CUL9: variants seen among roughly 807,000 people sequenced by gnomAD.
CUL9 encodes the protein cullin 9.
Under a neutral mutation model 272.6 loss-of-function variants are expected in CUL9, and 79 were observed. That is an observed-to-expected ratio of 0.29 (90% CI 0.24 to 0.35). The LOEUF is 0.35. Ranked by LOEUF, CUL9 falls within the 10% of genes least tolerant of loss-of-function variation. The pLI is 1.00. For missense variants in CUL9, 2,532 were observed against 3,255.6 expected (o/e 0.78, Z 5.41); for synonymous variants, 1,186 against 1,286.5 (o/e 0.92, Z 1.67).
chr6:43,183,860 C>A (rs929457292), intron 1 of CUL9, among the ~76,000 whole-genome samples: 2 of 152,142 alleles, frequency 1.3e-5, no homozygotes, highest in East Asian at 3.9e-4. Context: ...TCAAGTGATT[C>A]TCCTGCCTCA....
chr6:43,183,257 C>T (rs542461974), intron 1 of CUL9, among the ~76,000 whole-genome samples: 9 of 152,218 alleles, frequency 5.9e-5, no homozygotes, highest in Non-Finnish European at 1.3e-4. Flanking sequence ...TTACTTAAAT[C>T]CTTACCATAC....
In CUL9 at chr6:43,199,786, G is replaced by A; in HGVS notation, c.3157-143G>A. 1.5e-6 allele frequency: 1 copy of A among 683,972 alleles called. No individual in the cohort carries two copies. The highest frequency in any genetic ancestry group is 1.8e-5 in the South Asian group (1 of 57,020). The allele number at this position is 683,972 out of a possible 1,614,324, so 42.4% of individuals were successfully genotyped here. A position where few individuals can be genotyped will look rare whatever the true frequency, so the allele number is the denominator to read the frequency against. ...GCACTCCTCTATTTTACTCCACCCT[G>A]AATTTGGTACTCTTGTTTCCCTGGG... is the stretch of plus-strand genomic sequence containing the variant. On this transcript the variant is annotated intron_variant, in intron 13 of 40. Coordinates refer to ENST00000252050, the MANE Select transcript of CUL9 (RefSeq NM_015089.4). The surrounding 1 kb of genome is among the most constrained non-coding windows in gnomAD (Gnocchi z 4.4).
In CUL9 at chr6:43,216,252, C is replaced by T. The variant is rs747856369; in HGVS notation, c.6031C>T (p.Arg2011Cys). The stretch of plus-strand genomic sequence containing the variant: ...AGAAGGGTTGATGAAGCAGACGGTG[C>T]GTCAGGTGCAGGAGACGCTGAACTT... ...EVEGLMKQTVRQVQETLNLEP... is the reference protein window; with the variant it reads ...EVEGLMKQTVCQVQETLNLEP... The change falls in exon 31 of 41, where the codon CGT becomes TGT. Residue 2011 changes from arginine to cysteine, a missense_variant. Transcript: ENST00000252050. 4.3e-6 allele frequency: 7 copies of T among 1,613,722 alleles called. No individual in the cohort carries two copies. The highest frequency in any genetic ancestry group is 2.2e-5 in the East Asian group (1 of 44,848).
rs149552080 is a variant in CUL9 at position 43,184,530 on chromosome 6, G to A, written c.220G>A (p.Ala74Thr). Residue 74 changes from alanine to threonine, a missense_variant, in exon 2 of 41, where the codon GCC becomes ACC. Ala to Thr is a moderately conservative substitution (Grantham distance 58). This residue lies in a region of CUL9 where 2,218 missense variants were observed against 2,788.6 expected (regional missense o/e 0.80). Coordinates refer to ENST00000252050, the MANE Select transcript of CUL9 (RefSeq NM_015089.4). This position sits in a 1 kb window ranked among gnomAD's most constrained non-coding sequence, Gnocchi z 4.8. ...GTGGCTGTCGGCTCCTGAGGTCTACGCCAACTGCCCTGGGCTGTTAGGTGA... is the reference window on the plus strand; with the variant it reads ...GTGGCTGTCGGCTCCTGAGGTCTACACCAACTGCCCTGGGCTGTTAGGTGA... ...LMWLSAPEVY[A>T]NCPGLLGERA... 71 of 1,612,608 alleles carry A rather than the reference G, an allele frequency of 4.4e-5. No individual in the cohort carries two copies. The highest frequency in any genetic ancestry group is 5.3e-5 in the Non-Finnish European group (63 of 1,178,994).
chr6:43,208,770 T>C (rs1775236453), intron 26 of CUL9, among the ~76,000 whole-genome samples: 1 of 152,246 alleles, frequency 6.6e-6, no homozygotes, highest in African/African-American at 2.4e-5. Flanking sequence ...TGCATACCTT[T>C]TTTTAAATTA....
rs1056414814 is a variant in CUL9, at chr6:43,199,340, A to G, written c.3125A>G (p.Asn1042Ser). 4 of 1,613,282 alleles carry G rather than the reference A, an allele frequency of 2.5e-6. No individual in the cohort carries two copies. Among genetic ancestry groups the G allele is most frequent in the African/African-American group, 1.3e-5 (1 of 74,908 alleles). ...PWHEVLEPCL[N>S]CLSGPSSDSE... ...CACGAGGTCTTGGAGCCCTGCCTCAACTGCCTGAGTGGCCCTAGCAGTGAC... is the reference window on the plus strand; with the variant it reads ...CACGAGGTCTTGGAGCCCTGCCTCAGCTGCCTGAGTGGCCCTAGCAGTGAC... Residue 1042 changes from asparagine to serine, a missense_variant, in exon 13 of 41, where the codon AAC (asparagine) becomes AGC (serine). Coordinates refer to ENST00000252050, the MANE Select transcript of CUL9 (RefSeq NM_015089.4). This position sits in a 1 kb window ranked among gnomAD's most constrained non-coding sequence, Gnocchi z 4.4.
In CUL9 at chr6:43,204,864, A is replaced by G; in HGVS notation, c.4449+7A>G. On this transcript the variant is annotated splice_region_variant and intron_variant, in intron 22 of 40. Coordinates refer to ENST00000252050, the MANE Select transcript of CUL9 (RefSeq NM_015089.4). ...GAGCGTGGTGCAGGAGCAGGTGGGCAGAAGCAAGCAGAAGTCTGCAGAGGG... is the reference window on the plus strand; with the variant it reads ...GAGCGTGGTGCAGGAGCAGGTGGGCGGAAGCAAGCAGAAGTCTGCAGAGGG... 1 of 1,614,048 alleles carries G rather than the reference A, an allele frequency of 6.2e-7. No individual in the cohort carries two copies. The highest frequency in any genetic ancestry group is 8.5e-7 in the Non-Finnish European group (1 of 1,179,956).
chr6:43,196,523 C>A, intron 10 of CUL9, 122 bp from the exon 11 acceptor site: 1 of 961,758 alleles, frequency 1.0e-6, no homozygotes. Context: ...ATCAGATGTC[C>A]TGGCTCAGAG....
At chr6:43,189,990 G>A (rs1314483613) in intron 8 of CUL9, among the ~76,000 whole-genome samples, 1 of 150,942 alleles carries the variant, frequency 6.6e-6, no homozygotes, top group African/African-American at 2.5e-5. Context: ...TTTAGTCTAT[G>A]TAATCACATT....
In CUL9 at chr6:43,196,629, A is replaced by C; in HGVS notation, c.2586-16A>C. 1 of 1,604,518 alleles carries C rather than the reference A, an allele frequency of 6.2e-7. No homozygotes were observed. Among genetic ancestry groups the C allele is most frequent in the East Asian group, 2.2e-5 (1 of 44,778 alleles). The stretch of plus-strand genomic sequence containing the variant: ...ATGGTCTCTCAGTTTCTTCCTGGTC[A>C]CCTCCCTCCTCCCAGGTGCTCTTCT... On this transcript the variant is annotated splice_polypyrimidine_tract_variant and intron_variant, in intron 10 of 40. Coordinates refer to ENST00000252050, the MANE Select transcript of CUL9 (RefSeq NM_015089.4).
At position 43,200,310 on chromosome 6, in the gene CUL9, A is replaced by G; in HGVS notation, c.3385-126A>G. On this transcript the variant is annotated intron_variant, in intron 14 of 40. Transcript: ENST00000252050. This position sits in a 1 kb window ranked among gnomAD's most constrained non-coding sequence, Gnocchi z 4.0. The stretch of plus-strand genomic sequence containing the variant: ...AACCTTGACTCCACATGGTTCTGTC[A>G]AAATGTGGGGAGAGAGGAGTTGAGT... 1.3e-6 allele frequency: 2 copies of G among 1,536,848 alleles called. No homozygotes were observed. The highest frequency in any genetic ancestry group is 2.3e-5 in the East Asian group (1 of 43,834).
intron 6 of CUL9, 85 bp downstream of exon 6, chr6:43,187,524 G>C (rs1339695097): frequency 6.9e-7 from 1 of 1,439,832 alleles, no homozygotes; most frequent in Non-Finnish European, 9.5e-7. Context: ...AGGGGTTACC[G>C]CTTAGGGGGA....
chr6:43,187,085 G>T lies in CUL9; in HGVS notation c.1377G>T (p.Val459=). 2 of 1,614,010 alleles carry T rather than the reference G, an allele frequency of 1.2e-6. No individual in the cohort carries two copies. Among genetic ancestry groups the T allele is most frequent in the Non-Finnish European group, 1.7e-6 (2 of 1,179,912 alleles). Residue 459 remains valine (V), a synonymous_variant, in exon 5 of 41, where the codon GTG becomes GTT. Transcript: ENST00000252050. ...TGGAGAAGGGGGCAGGGGCTACTGT[G>T]TTGGGCACAGGTGAGCCTAAGAGGG... ...AAVEKGAGAT[V]LGTAFPSWDW... is the part of the protein sequence containing the mutation.
intron 9 of CUL9, among the ~76,000 whole-genome samples, chr6:43,194,569 T>C (rs1166426320): frequency 3.3e-5 from 5 of 151,594 alleles, no homozygotes; most frequent in African/African-American, 1.2e-4. Flanking sequence ...TCTGCCCGCC[T>C]CAGTCTCCCA....
At position 43,203,199 on chromosome 6, in the gene CUL9, C is replaced by CAGATCCGCATAA; in HGVS notation, c.3846_3847insATCCGCATAAAG (p.Gln1282_Gln1283insIleArgIleLys). 6.2e-7 allele frequency: 1 copy of CAGATCCGCATAA among 1,614,146 alleles called. No individual in the cohort carries two copies. Among genetic ancestry groups the CAGATCCGCATAA allele is most frequent in the Non-Finnish European group, 8.5e-7 (1 of 1,180,020 alleles). On this transcript the variant is annotated inframe_insertion, in exon 18 of 41. Coordinates refer to ENST00000252050, the MANE Select transcript of CUL9 (RefSeq NM_015089.4). The surrounding 1 kb of genome is among the most constrained non-coding windows in gnomAD (Gnocchi z 5.0). ...CATCCAGATCCGCATAAAGCGCTGC[C>CAGATCCGCATAA]AGCAGGTGGTGTTAGGGTGTCAGCC...
chr6:43,188,548 C>T lies in CUL9; in HGVS notation c.2013C>T (p.Pro671=), dbSNP rs917141974. 2.5e-6 allele frequency: 4 copies of T among 1,611,818 alleles called. No homozygotes were observed. The highest frequency in any genetic ancestry group is 2.2e-5 in the East Asian group (1 of 44,856). ...AAATGGCCAGAGCCTTGCGGGGTCC[C>T]GGTCCTCGCAGCTCCCTGGATCAGC... ...ASEMARALRG[P]GPRSSLDQHV... is the part of the protein sequence containing the mutation. The change falls in exon 8 of 41, where the codon CCC becomes CCT. Residue 671 remains proline (P), a synonymous_variant. Transcript: ENST00000252050.
In CUL9 at chr6:43,221,062, C is replaced by A; in HGVS notation, c.6589-96C>A. Reference sequence around the variant, plus strand: ...CTCTGTTCCTCTTCCTGGAGCCCTCCAAATGTGATCTGTGCCTGCTCCCCT... The same window carrying A: ...CTCTGTTCCTCTTCCTGGAGCCCTCAAAATGTGATCTGTGCCTGCTCCCCT... On this transcript the variant is annotated intron_variant, in intron 33 of 40. Coordinates refer to ENST00000252050, the MANE Select transcript of CUL9 (RefSeq NM_015089.4). This position sits in a 1 kb window ranked among gnomAD's most constrained non-coding sequence, Gnocchi z 4.2. 1 of 1,497,358 alleles carries A rather than the reference C, an allele frequency of 6.7e-7. No homozygotes were observed. Among genetic ancestry groups the A allele is most frequent in the Non-Finnish European group, 9.0e-7 (1 of 1,114,220 alleles). The allele number at this position is 1,497,358 out of a possible 1,614,324, so 92.8% of individuals were successfully genotyped here. A position where few individuals can be genotyped will look rare whatever the true frequency, so the allele number is the denominator to read the frequency against.
chr6:43,223,730 AG>A lies in CUL9; in HGVS notation c.7284+337del, dbSNP rs2150662885. ...ATTTGAAATCCTAAGAGTGGGCATC[AG>A]GGGATTGGGGTCACTGGAGCAAGGG... On this transcript the variant is annotated intron_variant, in intron 39 of 40. Coordinates refer to ENST00000252050, the MANE Select transcript of CUL9 (RefSeq NM_015089.4). The surrounding 1 kb of genome is among the most constrained non-coding windows in gnomAD (Gnocchi z 4.1). 1 of 496,702 alleles carries A rather than the reference AG, an allele frequency of 2.0e-6. No individual in the cohort carries two copies. The highest frequency in any genetic ancestry group is 3.6e-6 in the Non-Finnish European group (1 of 274,476). The allele number at this position is 496,702 out of a possible 1,614,324, so 30.8% of individuals were successfully genotyped here.
intron 5 of CUL9, 29 bp from the exon 6 acceptor site, chr6:43,187,217 G>A: frequency 6.2e-7 from 1 of 1,610,856 alleles, no homozygotes; most frequent in South Asian, 1.1e-5. Flanking sequence ...CCTGAGGGGT[G>A]CTGATGCCCG....
Sources: allele counts gnomAD v4.1 joint callset (sites outside exome capture counted in the v4.1 genomes callset), GRCh38; gene constraint gnomAD v4.1.1; regional missense constraint gnomAD v4.1.1; non-coding constraint Gnocchi (gnomAD v3.1); transcripts MANE v1.5; gene names NCBI Gene and HGNC (gene_info 2026-07-23, HGNC 2026-07-21).